Variants in CLYBL observed in about 807,000 individuals in gnomAD.
CLYBL encodes the protein citramalyl-CoA lyase, mitochondrial.
Under a neutral mutation model 38.9 loss-of-function variants are expected in CLYBL, and 31 were observed. The observed-to-expected ratio is 0.80, with a 90% CI of 0.60 to 1.08. CLYBL has a LOEUF of 1.08. CLYBL is among the 50% of genes least tolerant of loss of function. The pLI is 0.00. For synonymous variants in CLYBL, 171 were observed against 158.6 expected (o/e 1.08, Z -0.59); for missense variants, 434 against 411.6 (o/e 1.05, Z -0.47).
chr13:99,624,944 C>T (rs1444543454), intron 1 of CLYBL, among the ~76,000 whole-genome samples: 1 of 152,138 alleles, frequency 6.6e-6, no homozygotes, highest in Non-Finnish European at 1.5e-5. Flanking sequence ...TGGTTTTTCC[C>T]CAACTCTCAT....
chr13:99,896,079 C>T (rs2052573766), downstream of CLYBL: 1 of 150,968 alleles, frequency 6.6e-6, no homozygotes, highest in African/African-American at 2.4e-5. Flanking sequence ...GTCGCCCGCG[C>T]CCCCGGTGCG....
intron 1 of CLYBL, among the ~76,000 whole-genome samples, chr13:99,671,237 A>T (rs1045808787): frequency 6.6e-6 from 1 of 152,128 alleles, no homozygotes; most frequent in Non-Finnish European, 1.5e-5. Context: ...CTCTCACAGC[A>T]TCCTGTTTCT....
At chr13:99,848,762 AAC>A (rs1357004827) in intron 2 of CLYBL, among the ~76,000 whole-genome samples, 2 of 152,228 alleles carry the variant, frequency 1.3e-5, no homozygotes, top group Non-Finnish European at 2.9e-5. Context: ...AGGCTGTGAA[AAC>A]ACAGAGTAAA....
At chr13:99,789,360 C>G (rs186389348) in intron 2 of CLYBL, among the ~76,000 whole-genome samples, 15 of 152,318 alleles carry the variant, frequency 9.8e-5, no homozygotes, top group Admixed American at 7.8e-4. Context: ...CCTCTACACA[C>G]TACTTTAAAT....
At chr13:99,890,103 C>A (rs1168598359) in intron 7 of CLYBL, among the ~76,000 whole-genome samples, 2 of 152,178 alleles carry the variant, frequency 1.3e-5, no homozygotes, top group Admixed American at 1.3e-4. Flanking sequence ...GAGCATGCTG[C>A]TTTCTGTCCG....
intron 1 of CLYBL, among the ~76,000 whole-genome samples, chr13:99,631,760 A>G (rs1479259301): frequency 1.3e-5 from 2 of 151,944 alleles, no homozygotes; most frequent in African/African-American, 4.8e-5. Flanking sequence ...CACCACGCCC[A>G]GCTAATTTTT....
At chr13:99,615,615 C>A (rs4772222) in intron 1 of CLYBL, among the ~76,000 whole-genome samples, 129,160 of 152,148 alleles carry the variant, frequency 0.85, 54,926 homozygotes, top group Middle Eastern at 0.91. Context: ...GGTTTCATAT[C>A]GGTCACTTGG....
intron 1 of CLYBL, among the ~76,000 whole-genome samples, chr13:99,665,268 A>C (rs1259389473): frequency 6.6e-6 from 1 of 151,994 alleles, no homozygotes; most frequent in Non-Finnish European, 1.5e-5. Context: ...ACAGCAAGAC[A>C]GGGAAGCAGT....
chr13:99,846,542 G>A lies in CLYBL; in HGVS notation c.250-12319G>A, dbSNP rs115502965. ...ATTGTATTACCTGATTTCTTCATTC[G>A]TGTCTGCCAGGAAGACTAATTAATG... On this transcript the variant is annotated intron_variant, in intron 2 of 8. Coordinates refer to ENST00000339105, the MANE Select transcript of CLYBL (RefSeq NM_206808.5). Among the ~76,000 whole-genome samples the A allele has an allele frequency of 2.6e-3, 389 of 152,144 alleles. 3 individuals are homozygous for A. The highest frequency in any genetic ancestry group is 8.8e-3 in the African/African-American group (365 of 41,508).
intron 1 of CLYBL, among the ~76,000 whole-genome samples, chr13:99,733,764 T>C (rs2048626880): frequency 6.6e-6 from 1 of 152,240 alleles, no homozygotes; most frequent in South Asian, 2.1e-4. Flanking sequence ...TAATTCACAA[T>C]GGCAAGGACG....
chr13:99,658,775 A>C (rs1315330729), intron 1 of CLYBL, among the ~76,000 whole-genome samples: 1 of 152,160 alleles, frequency 6.6e-6, no homozygotes, highest in Non-Finnish European at 1.5e-5. Flanking sequence ...CCCAACCCCC[A>C]ACCCGCCTCC....
chr13:99,813,288 G>T (rs547130019), intron 2 of CLYBL, among the ~76,000 whole-genome samples: 2 of 152,282 alleles, frequency 1.3e-5, no homozygotes, highest in African/African-American at 4.8e-5. Context: ...CATATCATTT[G>T]CATCTGACAT....
chr13:99,692,852 C>G (rs1398077380), intron 1 of CLYBL, among the ~76,000 whole-genome samples: 2 of 152,096 alleles, frequency 1.3e-5, no homozygotes, highest in Non-Finnish European at 2.9e-5. Flanking sequence ...CTCTGGCTTC[C>G]TTCACTCTGC....
At chr13:99,677,241 T>A (rs1594114956) in intron 1 of CLYBL, among the ~76,000 whole-genome samples, 1 of 152,180 alleles carries the variant, frequency 6.6e-6, no homozygotes, top group East Asian at 1.9e-4. Flanking sequence ...TGTTTACTTT[T>A]AGCTGCATAA....
intron 2 of CLYBL, among the ~76,000 whole-genome samples, chr13:99,829,108 C>T (rs1398478591): frequency 2.0e-5 from 3 of 152,204 alleles, no homozygotes; most frequent in Non-Finnish European, 4.4e-5. Context: ...CTCCAAAACT[C>T]GAATCCCCTT....
intron 1 of CLYBL, among the ~76,000 whole-genome samples, chr13:99,753,120 G>A (rs934559658): frequency 6.6e-6 from 1 of 152,112 alleles, no homozygotes; most frequent in African/African-American, 2.4e-5. Context: ...AACCACTTAT[G>A]GGATGGTCCC....
In CLYBL at chr13:99,882,403, T is replaced by C. The variant is rs113944168; in HGVS notation, c.928-8915T>C. ...GGCGCGGTGGCTCACAGCTATAATCTCAGCACTTTGGGAGGCCGCAGCAGG... is the reference window on the plus strand; with the variant it reads ...GGCGCGGTGGCTCACAGCTATAATCCCAGCACTTTGGGAGGCCGCAGCAGG... On this transcript the variant is annotated intron_variant, in intron 7 of 8. Transcript: ENST00000339105. Among the ~76,000 whole-genome samples the C allele has an allele frequency of 7.8e-4, 118 of 152,218 alleles. 1 individual carries two copies. The highest frequency in any genetic ancestry group is 2.3e-3 in the African/African-American group (94 of 41,520).
At chr13:99,811,504 AGCT>A (rs2050340900) in intron 2 of CLYBL, among the ~76,000 whole-genome samples, 1 of 152,210 alleles carries the variant, frequency 6.6e-6, no homozygotes, top group South Asian at 2.1e-4. Flanking sequence ...AAAATCTGAC[AGCT>A]CTGGAAACCT....
chr13:99,771,097 G>C (rs1430132038), intron 1 of CLYBL, among the ~76,000 whole-genome samples: 1 of 143,442 alleles, frequency 7.0e-6, no homozygotes, highest in African/African-American at 2.7e-5. Context: ...GCAGCTTTGC[G>C]ATCACAGCTC....
Sources: allele counts gnomAD v4.1 joint callset (sites outside exome capture counted in the v4.1 genomes callset), GRCh38; gene constraint gnomAD v4.1.1; transcripts MANE v1.5; gene names NCBI Gene and HGNC (gene_info 2026-07-23, HGNC 2026-07-21).